Variants in KAZN observed in about 807,000 individuals in gnomAD.
KAZN encodes kazrin, periplakin interacting protein.
KAZN carries 40 observed loss-of-function variants against 87.4 expected under a neutral mutation model. The ratio of observed to expected loss-of-function variants is 0.46; its 90% CI spans 0.36 to 0.60. The LOEUF (loss-of-function observed/expected upper bound fraction) is 0.60. KAZN is among the 20% of genes least tolerant of loss of function. The pLI, the probability that KAZN is intolerant of heterozygous loss-of-function variation, is 0.00. For missense variants in KAZN, 898 were observed against 1,073.9 expected (o/e 0.84, Z 2.29); for synonymous variants, 466 against 458.3 (o/e 1.02, Z -0.22).
At chr1:14,805,794 A>C (rs1470284608) in intron 1 of KAZN, among the ~76,000 whole-genome samples, 3 of 112,554 alleles carry the variant, frequency 2.7e-5, no homozygotes, top group Non-Finnish European at 3.7e-5. Context: ...AATAATAATA[A>C]TAATAATAAT....
chr1:14,510,391 C>A (rs1182691633), intron 2 of KAZN, among the ~76,000 whole-genome samples: 30 of 130,976 alleles, frequency 2.3e-4, no homozygotes, highest in East Asian at 1.8e-3. Flanking sequence ...AAAAAAAAAA[C>A]AAACAGGATG....
intron 1 of KAZN, among the ~76,000 whole-genome samples, chr1:14,065,024 C>T (rs1642954245): frequency 6.6e-6 from 1 of 152,080 alleles, no homozygotes; most frequent in African/African-American, 2.4e-5. Flanking sequence ...GGCTTTGGGG[C>T]CCTGGGTATA....
At chr1:14,834,177 A>G (rs1199131885) in intron 1 of KAZN, among the ~76,000 whole-genome samples, 1 of 151,924 alleles carries the variant, frequency 6.6e-6, no homozygotes, top group East Asian at 1.9e-4. Context: ...CTAGGGTTGC[A>G]GTCATCTGCC....
At chr1:14,851,156 C>T (rs1326080148) in intron 1 of KAZN, among the ~76,000 whole-genome samples, 1 of 152,178 alleles carries the variant, frequency 6.6e-6, no homozygotes, top group African/African-American at 2.4e-5. Flanking sequence ...AGACGGCTCA[C>T]AGCTGTATTA....
intron 1 of KAZN, among the ~76,000 whole-genome samples, chr1:14,645,044 C>T (rs953783483): frequency 2.6e-5 from 4 of 152,130 alleles, no homozygotes; most frequent in Non-Finnish European, 5.9e-5. Context: ...TACCCCAGCA[C>T]CATTTATTGA....
chr1:14,072,609 G>A (rs1643290887), intron 1 of KAZN, among the ~76,000 whole-genome samples: 1 of 152,124 alleles, frequency 6.6e-6, no homozygotes. Context: ...TGAAAGCCCT[G>A]GTATCCTTCC....
intron 2 of KAZN, among the ~76,000 whole-genome samples, chr1:14,439,932 C>T (rs895529039): frequency 3.9e-5 from 6 of 152,304 alleles, no homozygotes; most frequent in Non-Finnish European, 7.4e-5. Context: ...CCTCCTTCAG[C>T]GCTTGCCTTT....
At chr1:14,345,068 G>A (rs373685465) in intron 2 of KAZN, among the ~76,000 whole-genome samples, 5 of 152,088 alleles carry the variant, frequency 3.3e-5, no homozygotes, top group South Asian at 2.1e-4. Context: ...ACAGGCACCC[G>A]CTACCACACC....
intron 2 of KAZN, among the ~76,000 whole-genome samples, chr1:14,985,133 C>T (rs1469330132): frequency 2.8e-5 from 4 of 140,988 alleles, no homozygotes; most frequent in African/African-American, 8.1e-5. Context: ...AAGACTCTGT[C>T]TCAAAAAAAA....
chr1:14,851,180 C>T (rs1358358403), intron 1 of KAZN, among the ~76,000 whole-genome samples: 1 of 152,186 alleles, frequency 6.6e-6, no homozygotes, highest in African/African-American at 2.4e-5. Flanking sequence ...AGATGGTCCA[C>T]TTCTAAGTGC....
intron 2 of KAZN, among the ~76,000 whole-genome samples, chr1:14,502,955 A>T (rs6684542): frequency 2.0e-5 from 3 of 151,862 alleles, no homozygotes; most frequent in Admixed American, 6.6e-5. Context: ...TAAAACCCAC[A>T]ATCATTCTTC....
At chr1:14,280,664 G>C (rs1652781949) in intron 2 of KAZN, among the ~76,000 whole-genome samples, 1 of 152,144 alleles carries the variant, frequency 6.6e-6, no homozygotes, top group Non-Finnish European at 1.5e-5. Flanking sequence ...CCTCCAGAAT[G>C]GTGGGACAAT....
intron 1 of KAZN, among the ~76,000 whole-genome samples, chr1:14,767,603 G>T (rs1466782403): frequency 6.6e-6 from 1 of 152,240 alleles, no homozygotes; most frequent in African/African-American, 2.4e-5. Flanking sequence ...GGACTTGGAA[G>T]CCTGTTCCTC....
intron 1 of KAZN, among the ~76,000 whole-genome samples, chr1:14,696,947 A>C (rs970309182): frequency 1.2e-4 from 19 of 152,066 alleles, no homozygotes; most frequent in African/African-American, 4.6e-4. Flanking sequence ...TTGAGTTCAC[A>C]TTCTTGGTTC....
intron 2 of KAZN, chr1:14,304,478 T>A (rs1053150213): frequency 8.8e-5 from 35 of 395,738 alleles, no homozygotes; most frequent in Non-Finnish European, 1.4e-4. Context: ...CTATCTTCAC[T>A]AAGCTTCAAT....
At chr1:14,809,156 G>C (rs1323942809) in intron 1 of KAZN, among the ~76,000 whole-genome samples, 2 of 152,160 alleles carry the variant, frequency 1.3e-5, no homozygotes, top group Non-Finnish European at 2.9e-5. Flanking sequence ...GGACGCTGAG[G>C]GCCAAGTTTG....
intron 1 of KAZN, among the ~76,000 whole-genome samples, chr1:14,742,347 C>T (rs1348554300): frequency 1.3e-5 from 2 of 152,212 alleles, no homozygotes; most frequent in Non-Finnish European, 2.9e-5. Context: ...GAATGTGTCC[C>T]TCCCACTTAA....
intron 1 of KAZN, among the ~76,000 whole-genome samples, chr1:14,610,724 T>C (rs1677749437): frequency 6.6e-6 from 1 of 152,064 alleles, no homozygotes. Flanking sequence ...ATTTAGGATC[T>C]TTTACTCTGG....
At chr1:14,825,239 T>C (rs1274945079) in intron 1 of KAZN, among the ~76,000 whole-genome samples, 2 of 152,240 alleles carry the variant, frequency 1.3e-5, no homozygotes, top group Non-Finnish European at 2.9e-5. Context: ...TGTTTTATGA[T>C]GCTCAGAGAT....
Sources: gnomAD v4.1 joint callset for allele counts (sites outside exome capture counted in the v4.1 genomes callset) on GRCh38, gnomAD v4.1.1 for gene constraint, MANE v1.5 for transcripts, NCBI Gene and HGNC (gene_info 2026-07-23, HGNC 2026-07-21) for gene names.